The following JPT2 variants were observed in gnomAD, a reference collection of about 807,000 sequenced individuals.
JPT2 encodes the protein CRAMP_1 like.
JPT2 carries 9 observed loss-of-function variants against 15.9 expected under a neutral mutation model. That is an observed-to-expected ratio of 0.57 (90% confidence interval 0.34 to 0.99). The LOEUF (loss-of-function observed/expected upper bound fraction) is 0.99, where lower values mean the gene tolerates loss of function less well. Among genes scored for constraint, JPT2 ranks in the 50% least tolerant of loss-of-function variants. The probability of loss-of-function intolerance (pLI) is 0.02; values close to 1 mark genes in which losing one functional copy is unlikely to be tolerated. For missense variants in JPT2, 267 were observed against 252.1 expected, an observed-to-expected ratio of 1.06 and a Z score of -0.40; for synonymous variants, 95 against 91.7, an observed-to-expected ratio of 1.04 and a Z score of -0.21.
At position 1,702,075 on chromosome 16, in the gene JPT2, T is replaced by C. The variant is rs1348758741; in HGVS notation, c.*3077T>C. 1 of 451,792 alleles carries C rather than the reference T, an allele frequency of 2.2e-6. No homozygotes were observed. Among genetic ancestry groups the C allele is most frequent in the Non-Finnish European group, 4.5e-6 (1 of 224,440 alleles). 28.0% of individuals were successfully genotyped at this position (451,792 alleles called of 1,614,324 possible). A position where few individuals can be genotyped will look rare whatever the true frequency, so the allele number is the denominator to read the frequency against. ...AATAAAATAAAAAACAGATTGGATG[T>C]CTTTCTTCTGATGTATTAGCTATTT... is the stretch of plus-strand genomic sequence containing the variant. On this transcript the variant is annotated 3_prime_UTR_variant, in exon 5 of 5. Transcript: ENST00000248098.
intron 1 of JPT2, among the ~76,000 whole-genome samples, chr16:1,679,186 T>C (rs915393812): frequency 1.3e-5 from 2 of 152,176 alleles, no homozygotes; most frequent in Admixed American, 6.5e-5. Context: ...AAACTTGCAT[T>C]GTGAAGTTTG....
Position 1,698,729 on chromosome 16 carries a change from C to T in JPT2, c.386-82C>T. ...GAATTTCTTGCAGGTTGCTCTATGA[C>T]ACACTTTTTATTTCCACAGCCTGCC... On this transcript the variant is annotated intron_variant, in intron 4 of 4. Transcript: ENST00000248098. This position sits in a 1 kb window ranked among gnomAD's most constrained non-coding sequence, Gnocchi z 4.9. 7.1e-7 allele frequency: 1 copy of T among 1,402,044 alleles called. No homozygotes were observed. Among genetic ancestry groups the T allele is most frequent in the Non-Finnish European group, 9.6e-7 (1 of 1,041,442 alleles). The allele number at this position is 1,402,044 out of a possible 1,614,324, so 86.9% of individuals were successfully genotyped here. A position where few individuals can be genotyped will look rare whatever the true frequency, so the allele number is the denominator to read the frequency against.
chr16:1,683,874 G>A (rs1446934588), intron 1 of JPT2, among the ~76,000 whole-genome samples: 1 of 152,164 alleles, frequency 6.6e-6, no homozygotes, highest in African/African-American at 2.4e-5. Context: ...GTAATTTCAA[G>A]TATGGTCATC....
At position 1,700,660 on chromosome 16, in the gene JPT2, ACT is replaced by A. The variant is rs1378765694; in HGVS notation, c.*1665_*1666del. On this transcript the variant is annotated 3_prime_UTR_variant, in exon 5 of 5. Coordinates refer to ENST00000248098, the MANE Select transcript of JPT2 (RefSeq NM_144570.3). ...TTGGAGCCAAGAAACACTCTGTGTGACTCTACACACACTTCAGGTGGTTTGTG... is the reference window on the plus strand; with the variant it reads ...TTGGAGCCAAGAAACACTCTGTGTGACTACACACACTTCAGGTGGTTTGTG... 6.5e-6 allele frequency: 1 copy of A among 155,010 alleles called. No individual in the cohort carries two copies. The highest frequency in any genetic ancestry group is 1.4e-5 in the Non-Finnish European group (1 of 69,444). 9.6% of individuals were successfully genotyped at this position (155,010 alleles called of 1,614,324 possible).
chr16:1,697,948 T>C, intron 4 of JPT2, 88 bp downstream of exon 4: 2 of 1,223,146 alleles, frequency 1.6e-6, no homozygotes, highest in Non-Finnish European at 2.4e-6. Context: ...TGAAAAGGAG[T>C]CTTTCTTTGC....
chr16:1,690,260 C>T (rs1312869348), intron 2 of JPT2: 1 of 152,232 alleles, frequency 6.6e-6, no homozygotes, highest in African/African-American at 2.4e-5. Flanking sequence ...CACGTGGGCT[C>T]TTCATCCGGT....
downstream of JPT2, chr16:1,702,102 C>A: frequency 2.2e-6 from 1 of 454,800 alleles, no homozygotes; most frequent in Non-Finnish European, 4.4e-6. Context: ...TAGCTATTTT[C>A]ATATGTTTTC....
At chr16:1,690,727 C>A (rs147022015) in intron 2 of JPT2, among the ~76,000 whole-genome samples, 3 of 152,206 alleles carry the variant, frequency 2.0e-5, no homozygotes, top group African/African-American at 7.2e-5. Flanking sequence ...GAACACTTCC[C>A]CTTTTACATG....
chr16:1,690,385 G>C (rs891891360), intron 2 of JPT2: 6 of 152,204 alleles, frequency 3.9e-5, no homozygotes, highest in Admixed American at 1.3e-4. Context: ...AGAAAAGTTT[G>C]TAGTCCTGCT....
chr16:1,687,056 C>CA (rs1178559943), intron 2 of JPT2, among the ~76,000 whole-genome samples: 1 of 152,262 alleles, frequency 6.6e-6, no homozygotes, highest in Non-Finnish European at 1.5e-5. Context: ...CACCATGACT[C>CA]ACTGCAGCCT....
chr16:1,683,770 A>G, intron 1 of JPT2: 1 of 569,170 alleles, frequency 1.8e-6, no homozygotes, highest in South Asian at 2.2e-5. Context: ...AGAAACTGTT[A>G]TTTTTGTTAA....
In JPT2 at chr16:1,699,840, C is replaced by T; in HGVS notation, c.*842C>T. The T allele has an allele frequency of 3.7e-6, 1 of 269,110 alleles. No individual in the cohort carries two copies. The highest frequency in any genetic ancestry group is 2.2e-5 in the African/African-American group (1 of 45,840). 16.7% of individuals were successfully genotyped at this position (269,110 alleles called of 1,614,324 possible). A position where few individuals can be genotyped will look rare whatever the true frequency, so the allele number is the denominator to read the frequency against. ...TCACAGTTCTTCCCATAAATGAGGCCCGCTGACCTCTGCGGGACTTTAAAA... is the reference window on the plus strand; with the variant it reads ...TCACAGTTCTTCCCATAAATGAGGCTCGCTGACCTCTGCGGGACTTTAAAA... On this transcript the variant is annotated 3_prime_UTR_variant, in exon 5 of 5. Coordinates refer to ENST00000248098, the MANE Select transcript of JPT2 (RefSeq NM_144570.3).
At position 1,692,499 on chromosome 16, in the gene JPT2, G is replaced by T. The variant is rs1326066245; in HGVS notation, c.336+514G>T. 5 of 165,400 alleles carry T rather than the reference G, an allele frequency of 3.0e-5. No homozygotes were observed. In the South Asian group the frequency reaches 6.4e-4, roughly 21 times the overall value. The allele number at this position is 165,400 out of a possible 1,614,324, so 10.2% of individuals were successfully genotyped here. A position where few individuals can be genotyped will look rare whatever the true frequency, so the allele number is the denominator to read the frequency against. On this transcript the variant is annotated intron_variant, in intron 3 of 4. Transcript: ENST00000248098. Reference sequence around the variant, plus strand: ...TGGCATCAGTAGGATAAGACAAGTGGCCTGGAAAGGAGAGGAATGCCTACA... The same window carrying T: ...TGGCATCAGTAGGATAAGACAAGTGTCCTGGAAAGGAGAGGAATGCCTACA...
intron 1 of JPT2, among the ~76,000 whole-genome samples, chr16:1,681,762 G>A (rs1030142571): frequency 6.6e-6 from 1 of 152,220 alleles, no homozygotes; most frequent in Non-Finnish European, 1.5e-5. Flanking sequence ...TGTGCAAGTT[G>A]AACTGAAGCA....
Position 1,678,321 on chromosome 16 carries a change from G to A in JPT2, c.9G>A (p.Gln3=), listed in dbSNP as rs1465546502. 20 of 1,237,706 alleles carry A rather than the reference G, an allele frequency of 1.6e-5. No homozygotes were observed. Among genetic ancestry groups the A allele is most frequent in the Non-Finnish European group, 1.9e-5 (19 of 987,786 alleles). The allele number at this position is 1,237,706 out of a possible 1,614,324, so 76.7% of individuals were successfully genotyped here. ...GGGTGGCGGCGGTCGACATGTTCCA[G>A]GTCCCGGATAGCGAGGGCGGCCGCG... The part of the protein sequence containing the change: MF[Q]VPDSEGGRAG... The change falls in exon 1 of 5, where the codon CAG becomes CAA. Residue 3 remains glutamine, a synonymous_variant. Coordinates refer to ENST00000248098, the MANE Select transcript of JPT2 (RefSeq NM_144570.3).
At chr16:1,690,995 C>T (rs776850762) in intron 2 of JPT2, among the ~76,000 whole-genome samples, 3 of 152,230 alleles carry the variant, frequency 2.0e-5, no homozygotes, top group Non-Finnish European at 4.4e-5. Flanking sequence ...TCCATAGGAT[C>T]ACACAGCAAG....
chr16:1,680,311 T>C (rs1260919910), intron 1 of JPT2: 1 of 999,402 alleles, frequency 1.0e-6, no homozygotes, highest in Non-Finnish European at 1.2e-6. Flanking sequence ...GTGTTTATTA[T>C]CACCCTGAGC....
chr16:1,686,912 T>A (rs576019585), intron 2 of JPT2, among the ~76,000 whole-genome samples: 159 of 152,250 alleles, frequency 1.0e-3, no homozygotes, highest in African/African-American at 3.6e-3. Flanking sequence ...TCACTCCGTT[T>A]TGGGGTACCA....
chr16:1,683,848 T>G (rs1422348890), intron 1 of JPT2, among the ~76,000 whole-genome samples: 1 of 152,216 alleles, frequency 6.6e-6, no homozygotes, highest in African/African-American at 2.4e-5. Flanking sequence ...ATAGTTTTTG[T>G]GTGATGTTGA....
Sources: allele counts gnomAD v4.1 joint callset (sites outside exome capture counted in the v4.1 genomes callset), GRCh38; gene constraint gnomAD v4.1.1; non-coding constraint Gnocchi (gnomAD v3.1); transcripts MANE v1.5; gene names NCBI Gene and HGNC (gene_info 2026-07-23, HGNC 2026-07-21).